ANKFN1: variants seen among roughly 807,000 people sequenced by gnomAD.
ANKFN1 encodes ankyrin repeat and fibronectin type-III domain-containing protein 1.
Under a neutral mutation model 108.7 loss-of-function variants are expected in ANKFN1, and 74 were observed. That is an observed-to-expected ratio of 0.68 (90% CI 0.56 to 0.83). ANKFN1 has a LOEUF of 0.83. ANKFN1 is among the 40% of genes least tolerant of loss of function. ANKFN1 has a pLI of 0.00. For missense variants in ANKFN1, 1,505 were observed against 1,382.3 expected (o/e 1.09, Z -1.41); for synonymous variants, 547 against 516.2 (o/e 1.06, Z -0.81).
intron 3 of ANKFN1, among the ~76,000 whole-genome samples, chr17:56,258,685 C>T (rs1238888625): frequency 2.0e-5 from 3 of 152,010 alleles, no homozygotes; most frequent in Non-Finnish European, 2.9e-5. Context: ...CCGAGGCGGG[C>T]GGATCACGAG....
chr17:56,057,508 G>A (rs898112817), intron 4 of ANKFN1, among the ~76,000 whole-genome samples: 8 of 152,302 alleles, frequency 5.3e-5, no homozygotes, highest in South Asian at 2.1e-4. Context: ...CTTGAAGGCT[G>A]GGCACAGTGG....
At chr17:56,383,943 A>G (rs1185329684) in intron 8 of ANKFN1, among the ~76,000 whole-genome samples, 1 of 152,212 alleles carries the variant, frequency 6.6e-6, no homozygotes, top group African/African-American at 2.4e-5. Flanking sequence ...ATTCCAATCA[A>G]TAGAAAAAGA....
At chr17:56,321,783 A>G (rs543786050) in intron 3 of ANKFN1, among the ~76,000 whole-genome samples, 1 of 152,314 alleles carries the variant, frequency 6.6e-6, no homozygotes, top group East Asian at 1.9e-4. Context: ...CAATGCTCTC[A>G]TTTCACAGGT....
Position 56,482,456 on chromosome 17 carries a change from C to T in ANKFN1, c.2192C>T (p.Pro731Leu). 1 of 1,613,756 alleles carries T rather than the reference C, an allele frequency of 6.2e-7. No homozygotes were observed. Among genetic ancestry groups the T allele is most frequent in the South Asian group, 1.1e-5 (1 of 90,978 alleles). ...GCCTCAGACGACGTCTGTACAGCCC[C>T]AGGACAGAATAATCCTTACACCCCA... ...LPASDDVCTA[P>L]GQNNPYTPHS... The change falls in exon 18 of 21, where the codon CCA becomes CTA. Residue 731 changes from proline (P) to leucine (L), a missense_variant. Transcript: ENST00000682825.
At position 56,188,581 on chromosome 17, in the gene ANKFN1, G is replaced by GTATATATATA. The variant is rs61556880; in HGVS notation, c.-70-23991_-70-23982dup. 8.1e-3 allele frequency among the ~76,000 whole-genome samples: 402 copies of GTATATATATA among 49,604 alleles called. 10 individuals are homozygous for GTATATATATA. Among genetic ancestry groups the GTATATATATA allele is most frequent in the Admixed American group, 0.01 (37 of 3,566 alleles). 32.5% of individuals were successfully genotyped at this position (49,604 alleles called of 152,430 possible). On this transcript the variant is annotated intron_variant, in intron 1 of 20. Transcript: ENST00000682825. ...TGTGTGTATGTGTGTGTGTGTGTGTGTATATATATATATATATATATATAT... is the reference window on the plus strand; with the variant it reads ...TGTGTGTATGTGTGTGTGTGTGTGTGTATATATATATATATATATATATATATATATATAT...
chr17:56,467,719 G>C lies in ANKFN1; in HGVS notation c.1773+1148G>C, dbSNP rs2050125332. Among the ~76,000 whole-genome samples the C allele has an allele frequency of 2.2e-5, 3 of 135,028 alleles. No individual in the cohort carries two copies. In the South Asian group the frequency reaches 7.4e-4, roughly 33 times the overall value. The allele number at this position is 135,028 out of a possible 152,430, so 88.6% of individuals were successfully genotyped here. ...AGAAAAGAAAAGAAAGAGAGAGAAA[G>C]AAAGAAAGAGAGAAAGAAAGAAACA... On this transcript the variant is annotated intron_variant, in intron 15 of 20. Transcript: ENST00000682825.
intron 3 of ANKFN1, among the ~76,000 whole-genome samples, chr17:56,304,926 T>C (rs992428362): frequency 6.6e-6 from 1 of 152,158 alleles, no homozygotes; most frequent in African/African-American, 2.4e-5. Context: ...GAAAAGTCAT[T>C]ATATATTCTA....
At chr17:56,392,511 A>G (rs370479116) in intron 8 of ANKFN1, among the ~76,000 whole-genome samples, 1 of 152,144 alleles carries the variant, frequency 6.6e-6, no homozygotes, top group African/African-American at 2.4e-5. Flanking sequence ...AGATTTTTCC[A>G]TTGTTGAATA....
At chr17:56,208,321 G>A (rs867838577) in intron 1 of ANKFN1, among the ~76,000 whole-genome samples, 4 of 152,114 alleles carry the variant, frequency 2.6e-5, no homozygotes, top group South Asian at 2.1e-4. Flanking sequence ...ATACCCGGCC[G>A]TTAGACAAGG....
chr17:56,506,293 C>A (rs1037060315), intron 20 of ANKFN1, among the ~76,000 whole-genome samples: 6 of 149,294 alleles, frequency 4.0e-5, no homozygotes, highest in African/African-American at 1.5e-4. Context: ...AGGGTCATTG[C>A]AGATGAAATT....
chr17:56,485,077 C>G (rs1006481213), intron 18 of ANKFN1, among the ~76,000 whole-genome samples: 1 of 152,152 alleles, frequency 6.6e-6, no homozygotes, highest in African/African-American at 2.4e-5. Context: ...TTTCTTGATT[C>G]AGTTTTTCAT....
chr17:56,110,808 G>T (rs985958369), intron 4 of ANKFN1: 10 of 152,204 alleles, frequency 6.6e-5, no homozygotes, highest in African/African-American at 2.4e-4. Context: ...AAAATGTCAG[G>T]TCCCTCATTT....
At chr17:56,502,290 C>T (rs949107693) in intron 20 of ANKFN1, among the ~76,000 whole-genome samples, 1 of 152,120 alleles carries the variant, frequency 6.6e-6, no homozygotes, top group African/African-American at 2.4e-5. Flanking sequence ...TTCTCTATGC[C>T]ACAGAAGTGC....
chr17:56,269,048 T>C (rs2043726693), intron 3 of ANKFN1, among the ~76,000 whole-genome samples: 2 of 152,174 alleles, frequency 1.3e-5, no homozygotes, highest in African/African-American at 4.8e-5. Flanking sequence ...TTGGGGGTAG[T>C]TATATGACCT....
chr17:56,224,752 C>A (rs1050165124), intron 2 of ANKFN1: 1 of 151,868 alleles, frequency 6.6e-6, no homozygotes, highest in African/African-American at 2.4e-5. Flanking sequence ...ATAAGATGTT[C>A]TCAGAAGAGA....
At chr17:56,419,810 CAAA>C (rs5821128) in intron 8 of ANKFN1, among the ~76,000 whole-genome samples, 44,035 of 101,932 alleles carry the variant, frequency 0.43, 7,199 homozygotes, top group African/African-American at 0.47. Flanking sequence ...GACCCTGTCT[CAAA>C]AAAAAAAAAA....
At chr17:56,491,219 T>C (rs1302808546) in intron 18 of ANKFN1, among the ~76,000 whole-genome samples, 6 of 152,188 alleles carry the variant, frequency 3.9e-5, no homozygotes. Flanking sequence ...TGTTGGGTTG[T>C]AACAGCCCTA....
chr17:56,368,463 A>G (rs1441639864), intron 6 of ANKFN1, among the ~76,000 whole-genome samples: 3 of 151,352 alleles, frequency 2.0e-5, no homozygotes, highest in Non-Finnish European at 4.4e-5. Flanking sequence ...TATTTTTAGT[A>G]GAGACAGGGT....
intron 19 of ANKFN1, among the ~76,000 whole-genome samples, chr17:56,492,732 G>T (rs557656258): frequency 5.9e-5 from 9 of 152,060 alleles, no homozygotes; most frequent in Non-Finnish European, 1.0e-4. Flanking sequence ...CAGAGAAAAA[G>T]AAAATAAAAT....
Sources: gnomAD v4.1 joint callset for allele counts (sites outside exome capture counted in the v4.1 genomes callset) on GRCh38, gnomAD v4.1.1 for gene constraint, MANE v1.5 for transcripts, NCBI Gene and HGNC (gene_info 2026-07-23, HGNC 2026-07-21) for gene names.